Variants in RIF1 observed in about 807,000 individuals in gnomAD.
The protein encoded by RIF1 is replication timing regulatory factor 1.
Under a neutral mutation model 247.1 loss-of-function variants are expected in RIF1, and 45 were observed. That is an observed-to-expected ratio of 0.18 (90% CI 0.14 to 0.23). RIF1 has a LOEUF of 0.23. RIF1 is among the 10% of genes least tolerant of loss of function. The pLI, the probability that RIF1 is intolerant of heterozygous loss-of-function variation, is 1.00. For synonymous variants in RIF1, 1,087 were observed against 978.8 expected (o/e 1.11, Z -2.06); for missense variants, 2,967 against 2,862.5 (o/e 1.04, Z -0.83).
chr2:151,471,745 C>T (rs2152536338), intron 34 of RIF1, among the ~76,000 whole-genome samples: 1 of 152,210 alleles, frequency 6.6e-6, no homozygotes, highest in East Asian at 1.9e-4. Flanking sequence ...GTTTTGGTAC[C>T]AGTACCATGC....
rs1432366091 is a variant in RIF1 at position 151,430,773 on chromosome 2, C to A, written c.925+1851C>A. Among the ~76,000 whole-genome samples, 3 of 19,636 alleles carry A rather than the reference C, an allele frequency of 1.5e-4. No individual in the cohort carries two copies. In the East Asian group the frequency reaches 0.012, roughly 76 times the overall value. 12.9% of individuals were successfully genotyped at this position (19,636 alleles called of 152,430 possible). A position where few individuals can be genotyped will look rare whatever the true frequency, so the allele number is the denominator to read the frequency against. On this transcript the variant is annotated intron_variant, in intron 9 of 35. Transcript: ENST00000444746. ...GCTCCAGTGATCCTCCCACCTCAGC[C>A]CCCCCAAGTAGCTGGGACTACAGGC...
intron 6 of RIF1, 93 bp downstream of exon 6, chr2:151,416,994 TA>T: frequency 2.3e-6 from 2 of 855,294 alleles, no homozygotes; most frequent in Non-Finnish European, 3.7e-6. Flanking sequence ...AGACAGACAT[TA>T]AAAGGGGGGA....
intron 18 of RIF1, among the ~76,000 whole-genome samples, chr2:151,445,128 A>G (rs1390806068): frequency 6.6e-6 from 1 of 152,214 alleles, no homozygotes; most frequent in East Asian, 1.9e-4. Context: ...GGCTGACCCT[A>G]ATCCAGTAGG....
chr2:151,509,689 G>A (rs762833579), downstream of RIF1, among the ~76,000 whole-genome samples: 11 of 152,096 alleles, frequency 7.2e-5, no homozygotes, highest in East Asian at 1.9e-4. Flanking sequence ...GTCCAGTGAC[G>A]TGATCTTGGC....
the RIF1 span, among the ~76,000 whole-genome samples, chr2:151,528,188 GGGCTGGA>G: frequency 2.0e-5 from 3 of 152,186 alleles, no homozygotes; most frequent in East Asian, 3.8e-4. Flanking sequence ...AGACCCTTCA[GGGCTGGA>G]GAACTGGCTG....
At chr2:151,436,613 T>G (rs1289168562) in intron 11 of RIF1, among the ~76,000 whole-genome samples, 2 of 152,130 alleles carry the variant, frequency 1.3e-5, no homozygotes, top group South Asian at 2.1e-4. Context: ...AGACATATGA[T>G]ATACATGTGT....
Position 151,445,415 on chromosome 2 carries a change from C to A in RIF1, c.2064C>A (p.Asn688Lys). 6.3e-7 allele frequency: 1 copy of A among 1,599,666 alleles called. No individual in the cohort carries two copies. The highest frequency in any genetic ancestry group is 8.6e-7 in the Non-Finnish European group (1 of 1,166,872). Residue 688 changes from asparagine to lysine, a missense_variant, in exon 19 of 36, where the codon AAC becomes AAA. By Grantham distance (94) the Asn-to-Lys change is moderately conservative (BLOSUM62 0). This residue lies in a region of RIF1 where 76 missense variants were observed against 113.3 expected (regional missense o/e 0.67). Transcript: ENST00000444746. Reference sequence around the variant, plus strand: ...ATGGTGCATTGACTTTACCAGTAAACCACATTTTTTCAGAACAGAGATTTC... The same window carrying A: ...ATGGTGCATTGACTTTACCAGTAAAACACATTTTTTCAGAACAGAGATTTC... Reference protein sequence around the residue: ...AIYGALTLPVNHIFSEQRFPV... With the variant: ...AIYGALTLPVKHIFSEQRFPV...
chr2:151,420,652 G>C (rs534167265), intron 7 of RIF1, among the ~76,000 whole-genome samples: 3 of 149,896 alleles, frequency 2.0e-5, no homozygotes, highest in East Asian at 2.0e-4. Context: ...CGGGAGGGTT[G>C]CTTGACCAGA....
the RIF1 span, among the ~76,000 whole-genome samples, chr2:151,517,864 T>C: frequency 2.7e-4 from 41 of 152,364 alleles, no homozygotes; most frequent in Admixed American, 2.5e-3. Context: ...TGGTCTGCTG[T>C]TGACCAAAAA....
intron 11 of RIF1, among the ~76,000 whole-genome samples, chr2:151,436,300 G>A (rs1386385849): frequency 6.6e-6 from 1 of 152,002 alleles, no homozygotes; most frequent in African/African-American, 2.4e-5. Flanking sequence ...CAGCATTTAG[G>A]GGGCTGAGGT....
At chr2:151,446,604 T>G (rs766304361) in intron 20 of RIF1, 29 bp downstream of exon 20, 1 of 1,597,444 alleles carries the variant, frequency 6.3e-7, no homozygotes, top group East Asian at 2.2e-5. Flanking sequence ...TACCTTTTTT[T>G]GTTTGTTTTT....
At chr2:151,522,235 T>C in the RIF1 span, among the ~76,000 whole-genome samples, 1 of 152,214 alleles carries the variant, frequency 6.6e-6, no homozygotes, top group East Asian at 1.9e-4. Flanking sequence ...AGATGTATAC[T>C]GGTGCTTCTA....
At position 151,463,899 on chromosome 2, in the gene RIF1, A is replaced by G. The variant is rs778339828; in HGVS notation, c.4379A>G (p.Asp1460Gly). The G allele has an allele frequency of 1.9e-6, 3 of 1,613,664 alleles. No homozygotes were observed. The highest frequency in any genetic ancestry group is 3.3e-5 in the Admixed American group (2 of 59,926). The change falls in exon 30 of 36, where the codon GAT becomes GGT. Residue 1460 changes from aspartate (D) to glycine (G), a missense_variant. Coordinates refer to ENST00000444746, the MANE Select transcript of RIF1 (RefSeq NM_018151.5). The stretch of plus-strand genomic sequence containing the variant: ...CAGAAGAGTCCATTGCATATAAAAG[A>G]TGATGTGTTACCTAAACAAAAACTG... ...PLQKSPLHIKDDVLPKQKLIA... is the reference protein window; with the variant it reads ...PLQKSPLHIKGDVLPKQKLIA...
intron 6 of RIF1, 78 bp from the exon 7 acceptor site, chr2:151,420,110 TTC>T: frequency 2.5e-6 from 3 of 1,212,372 alleles, no homozygotes; most frequent in East Asian, 2.5e-5. Context: ...CTGTGTATAT[TTC>T]TGTTTCACCT....
In RIF1 at chr2:151,462,231, GT is replaced by G; in HGVS notation, c.3228-4del. The G allele has an allele frequency of 2.0e-6, 3 of 1,531,684 alleles. No individual in the cohort carries two copies. The highest frequency in any genetic ancestry group is 2.7e-6 in the Non-Finnish European group (3 of 1,124,250). The allele number at this position is 1,531,684 out of a possible 1,614,324, so 94.9% of individuals were successfully genotyped here. A position where few individuals can be genotyped will look rare whatever the true frequency, so the allele number is the denominator to read the frequency against. On this transcript the variant is annotated splice_polypyrimidine_tract_variant and intron_variant, in intron 27 of 35. Transcript: ENST00000444746. ...CGGTTTTTGAAGTTACTTATATATA[GT>G]TTTTTTCAGGTGTGATATTCCTGCC...
At chr2:151,532,263 A>G in the RIF1 span, 1 of 173,552 alleles carries the variant, frequency 5.8e-6, no homozygotes, top group African/African-American at 2.4e-5. Flanking sequence ...GGAGGCCCCC[A>G]GAGGTTACGA....
downstream of RIF1, among the ~76,000 whole-genome samples, chr2:151,509,314 T>C (rs2072011307): frequency 1.4e-5 from 2 of 140,484 alleles, no homozygotes; most frequent in South Asian, 4.4e-4. Context: ...TCCTTAGCTA[T>C]GTAGATGTAA....
At chr2:151,507,949 T>C (rs779815150) in exon 14 of RIF1, 18 of 1,284,144 alleles carry the variant, frequency 1.4e-5, no homozygotes, top group Non-Finnish European at 1.9e-5. Context: ...CAGAGGCATC[T>C]TCCTCAGCAC....
the RIF1 span, among the ~76,000 whole-genome samples, chr2:151,529,702 G>A: frequency 1.3e-5 from 2 of 152,168 alleles, no homozygotes; most frequent in South Asian, 4.2e-4. Context: ...GGCTAATTTT[G>A]TATTTTAGTA....
Sources: allele counts gnomAD v4.1 joint callset (sites outside exome capture counted in the v4.1 genomes callset), GRCh38; gene constraint gnomAD v4.1.1; regional missense constraint gnomAD v4.1.1; transcripts MANE v1.5; gene names NCBI Gene and HGNC (gene_info 2026-07-23, HGNC 2026-07-21).